Variants in MEGF6 observed in about 807,000 individuals in gnomAD.
The protein encoded by MEGF6 is multiple epidermal growth factor-like domains protein 6.
In MEGF6, 184 loss-of-function variants were observed where a neutral mutation model predicts 207.1. The ratio of observed to expected loss-of-function variants is 0.89; its 90% CI spans 0.79 to 1.00. The LOEUF (loss-of-function observed/expected upper bound fraction) is 1.00, where lower values mean the gene tolerates loss of function less well. Ranked by LOEUF, MEGF6 falls within the 50% of genes least tolerant of loss-of-function variation. The pLI is 0.00. For synonymous variants in MEGF6, 1,038 were observed against 910.0 expected (o/e 1.14, Z -2.53); for missense variants, 2,282 against 2,202.9 (o/e 1.04, Z -0.72).
At chr1:3,494,879 G>A in intron 30 of MEGF6, 138 bp from the exon 31 acceptor site, 1 of 1,327,460 alleles carries the variant, frequency 7.5e-7, no homozygotes, top group Non-Finnish European at 1.0e-6. Context: ...CTGCTGGGCG[G>A]GCACATGCCA....
At chr1:3,602,326 A>G in intron 2 of MEGF6, 140 bp downstream of exon 2, 1 of 1,292,246 alleles carries the variant, frequency 7.7e-7, no homozygotes, top group South Asian at 1.4e-5. Context: ...CCTCATGCTC[A>G]GATGAGGGCT....
the MEGF6 span, chr1:3,623,089 T>A: frequency 6.6e-6 from 1 of 152,150 alleles, no homozygotes; most frequent in Non-Finnish European, 1.5e-5. Flanking sequence ...GGACCACAGC[T>A]CCATCCTTGG....
chr1:3,503,485 G>A (rs1640984413), intron 17 of MEGF6, among the ~76,000 whole-genome samples: 1 of 152,110 alleles, frequency 6.6e-6, no homozygotes. Context: ...AGGAGCAGAG[G>A]AGGGGCAGGG....
upstream of MEGF6, among the ~76,000 whole-genome samples, chr1:3,611,950 G>A (rs536379312): frequency 6.6e-6 from 1 of 152,228 alleles, no homozygotes; most frequent in Non-Finnish European, 1.5e-5. Flanking sequence ...TCGATCTCAG[G>A]AGACAGCCCT....
intron 26 of MEGF6, chr1:3,497,582 C>A: frequency 1.4e-6 from 1 of 706,592 alleles, no homozygotes; most frequent in South Asian, 1.5e-5. Context: ...GCAGGCACAG[C>A]GCCCCTCACA....
At chr1:3,510,651 G>T in intron 10 of MEGF6, 132 bp downstream of exon 10, 1 of 1,291,992 alleles carries the variant, frequency 7.7e-7, no homozygotes, top group Middle Eastern at 2.8e-4. Flanking sequence ...AACACCCACA[G>T]CCCCAAAGCA....
chr1:3,508,849 A>G (rs2101024650), intron 12 of MEGF6, among the ~76,000 whole-genome samples, 160 bp from the exon 13 acceptor site: 1 of 152,274 alleles, frequency 6.6e-6, no homozygotes, highest in Non-Finnish European at 1.5e-5. Flanking sequence ...CTGGGGCCAG[A>G]AGGAGCCCTA....
At chr1:3,540,271 C>G (rs540125328) in intron 4 of MEGF6, among the ~76,000 whole-genome samples, 2 of 152,234 alleles carry the variant, frequency 1.3e-5, no homozygotes, top group African/African-American at 4.8e-5. Flanking sequence ...CGCAGCGCCT[C>G]GGACGGAGCA....
At chr1:3,606,641 A>G (rs1644252868) in intron 1 of MEGF6, among the ~76,000 whole-genome samples, 1 of 152,222 alleles carries the variant, frequency 6.6e-6, no homozygotes, top group Non-Finnish European at 1.5e-5. Context: ...TATTCCGGAA[A>G]AAGTGTCACT....
At chr1:3,615,034 C>T (rs1026846217), upstream of MEGF6, among the ~76,000 whole-genome samples, 4 of 152,332 alleles carry the variant, frequency 2.6e-5, no homozygotes, top group South Asian at 4.1e-4. Context: ...GTCTAAACGA[C>T]GGCACAGCCA....
At chr1:3,505,399 C>CCG (rs778678223) in intron 16 of MEGF6, 23 bp downstream of exon 16, 2 of 1,585,808 alleles carry the variant, frequency 1.3e-6, no homozygotes, top group African/African-American at 2.7e-5. Flanking sequence ...CCCCCCGCCC[C>CCG]CAGACCCCAT....
intron 4 of MEGF6, among the ~76,000 whole-genome samples, chr1:3,552,529 C>G (rs1158082047): frequency 6.6e-6 from 1 of 152,228 alleles, no homozygotes; most frequent in Non-Finnish European, 1.5e-5. Flanking sequence ...GATCCCGTCT[C>G]TACAAAAAAT....
chr1:3,574,413 T>C (rs1185460263), intron 4 of MEGF6, among the ~76,000 whole-genome samples: 1 of 151,680 alleles, frequency 6.6e-6, no homozygotes, highest in East Asian at 1.9e-4. Context: ...TCCCAAACCT[T>C]CCCCAGCCCA....
chr1:3,579,851 C>T lies in MEGF6; in HGVS notation c.455G>A (p.Gly152Asp), dbSNP rs1643749371. 1 of 1,537,414 alleles carries T rather than the reference C, an allele frequency of 6.5e-7. No individual in the cohort carries two copies. Among genetic ancestry groups the T allele is most frequent in the Non-Finnish European group, 8.7e-7 (1 of 1,148,302 alleles). The change falls in exon 4 of 37, where the codon GGC (glycine) becomes GAC (aspartate). Residue 152 changes from glycine (G) to aspartate (D), a missense_variant. Gly to Asp is a moderately conservative substitution (Grantham distance 94). Transcript: ENST00000356575. ...ATACTGACAGCGGGGTCCCTGGAAG[C>T]CGGGGGGACAGTGACACGGCTGGGC... The part of the protein sequence containing the change: ...GSAQPCHCPP[G>D]FQGPRCQYDV...
At chr1:3,546,836 A>C (rs1228769863) in intron 4 of MEGF6, among the ~76,000 whole-genome samples, 1 of 134,472 alleles carries the variant, frequency 7.4e-6, no homozygotes, top group Non-Finnish European at 1.6e-5. Context: ...GTGGGCTGGG[A>C]AGGGGGCGCC....
At chr1:3,524,342 C>G in intron 4 of MEGF6, 96 bp from the exon 5 acceptor site, 2 of 1,506,282 alleles carry the variant, frequency 1.3e-6, no homozygotes, top group East Asian at 4.6e-5. Context: ...GACCCAGGTC[C>G]CTCCCGTGCC....
At chr1:3,619,488 C>T in the MEGF6 span, among the ~76,000 whole-genome samples, 1 of 152,316 alleles carries the variant, frequency 6.6e-6, no homozygotes, top group East Asian at 1.9e-4. Context: ...TGTAATCCCC[C>T]ACGTGTCGAG....
At chr1:3,587,575 G>A (rs1374147520) in intron 3 of MEGF6, among the ~76,000 whole-genome samples, 1 of 152,256 alleles carries the variant, frequency 6.6e-6, no homozygotes, top group African/African-American at 2.4e-5. Flanking sequence ...TCTGACTACA[G>A]AGTGAACCGG....
intron 35 of MEGF6, among the ~76,000 whole-genome samples, chr1:3,492,226 C>T (rs1160946885): frequency 5.9e-5 from 9 of 152,172 alleles, no homozygotes; most frequent in African/African-American, 1.4e-4. Flanking sequence ...GACACACCCT[C>T]ACACCCTGGT....
Sources: allele counts gnomAD v4.1 joint callset (sites outside exome capture counted in the v4.1 genomes callset), GRCh38; gene constraint gnomAD v4.1.1; transcripts MANE v1.5; gene names NCBI Gene and HGNC (gene_info 2026-07-23, HGNC 2026-07-21).